Variants in KLF12 observed in about 807,000 individuals in gnomAD.
KLF12 encodes the protein KLF transcription factor 12, also known as Krueppel-like factor 12.
Under a neutral mutation model 37.8 loss-of-function variants are expected in KLF12, and 9 were observed. The ratio of observed to expected loss-of-function variants is 0.24; its 90% CI spans 0.14 to 0.42. The LOEUF is 0.42. Ranked by LOEUF, KLF12 falls within the 10% of genes least tolerant of loss-of-function variation. KLF12 has a pLI of 1.00. For synonymous variants in KLF12, 208 were observed against 202.1 expected (o/e 1.03, Z -0.25); for missense variants, 411 against 516.0 (o/e 0.80, Z 1.97).
At chr13:74,209,268 A>T in the KLF12 span, among the ~76,000 whole-genome samples, 10 of 152,026 alleles carry the variant, frequency 6.6e-5, no homozygotes, top group Non-Finnish European at 1.3e-4. Context: ...TTCCTGCAAC[A>T]TCTAAGTGTC....
chr13:74,223,830 C>A, the KLF12 span, among the ~76,000 whole-genome samples: 58 of 152,244 alleles, frequency 3.8e-4, no homozygotes, highest in African/African-American at 1.2e-3. Flanking sequence ...GCTTCCATAG[C>A]CCCATGGGTT....
intron 1 of KLF12, among the ~76,000 whole-genome samples, chr13:74,024,671 C>A (rs555719113): frequency 4.6e-5 from 7 of 152,162 alleles, no homozygotes; most frequent in Non-Finnish European, 8.8e-5. Flanking sequence ...ACAATATTAA[C>A]GAGTCTGTAT....
At chr13:74,260,468 C>T in the KLF12 span, among the ~76,000 whole-genome samples, 35 of 151,436 alleles carry the variant, frequency 2.3e-4, no homozygotes, top group Non-Finnish European at 4.3e-4. Context: ...GTGGGAGGAT[C>T]GCCTGAGTCC....
At chr13:74,125,209 ACT>A (rs368139831) in intron 1 of KLF12, among the ~76,000 whole-genome samples, 133 of 152,118 alleles carry the variant, frequency 8.7e-4, no homozygotes, top group Non-Finnish European at 7.5e-4. Context: ...TAAAAAACAC[ACT>A]GTTTATATAA....
At chr13:74,159,966 C>A in the KLF12 span, among the ~76,000 whole-genome samples, 1 of 138,452 alleles carries the variant, frequency 7.2e-6, no homozygotes, top group Non-Finnish European at 1.5e-5. Flanking sequence ...CACATCACTA[C>A]ACTCCAGCCT....
chr13:74,153,158 G>A, the KLF12 span, among the ~76,000 whole-genome samples: 1 of 151,718 alleles, frequency 6.6e-6, no homozygotes, highest in Non-Finnish European at 1.5e-5. Flanking sequence ...TAATTCAAAT[G>A]ATATAAATGT....
chr13:73,746,315 A>G (rs1360759273), intron 6 of KLF12, among the ~76,000 whole-genome samples: 1 of 152,204 alleles, frequency 6.6e-6, no homozygotes. Context: ...ATATGATGTA[A>G]TATCTAAATA....
At chr13:74,261,632 A>T in the KLF12 span, among the ~76,000 whole-genome samples, 1 of 152,210 alleles carries the variant, frequency 6.6e-6, no homozygotes, top group African/African-American at 2.4e-5. Flanking sequence ...GATATATATG[A>T]TTTAGATTTT....
At chr13:74,004,485 T>C (rs918178262) in intron 1 of KLF12, among the ~76,000 whole-genome samples, 1 of 152,194 alleles carries the variant, frequency 6.6e-6, no homozygotes, top group African/African-American at 2.4e-5. Context: ...CCAGTCTTCA[T>C]GATTTTAAGT....
At chr13:73,790,748 T>A (rs1301454969) in intron 5 of KLF12, among the ~76,000 whole-genome samples, 1 of 152,176 alleles carries the variant, frequency 6.6e-6, no homozygotes, top group Non-Finnish European at 1.5e-5. Context: ...CTCCTTACAG[T>A]CTAATGGGCA....
chr13:73,752,006 T>G (rs1165650949), intron 6 of KLF12, among the ~76,000 whole-genome samples: 1 of 152,090 alleles, frequency 6.6e-6, no homozygotes, highest in East Asian at 1.9e-4. Flanking sequence ...TATTTTTTAT[T>G]TTTTACTTTT....
At chr13:74,231,607 T>G in the KLF12 span, 2 of 152,190 alleles carry the variant, frequency 1.3e-5, no homozygotes, top group Non-Finnish European at 1.5e-5. Flanking sequence ...TCCCAACATA[T>G]ACAACATAAT....
intron 1 of KLF12, among the ~76,000 whole-genome samples, chr13:74,056,809 G>T (rs1873269890): frequency 6.6e-6 from 1 of 152,216 alleles, no homozygotes. Context: ...AGCCATGTCT[G>T]CCTTTTTTGG....
At chr13:73,835,065 C>CT (rs1343415686) in intron 4 of KLF12, among the ~76,000 whole-genome samples, 1 of 136,818 alleles carries the variant, frequency 7.3e-6, no homozygotes, top group Non-Finnish European at 1.6e-5. Context: ...AGAAGTTAAA[C>CT]CTTTTTTTTT....
At chr13:74,242,336 T>A in the KLF12 span, among the ~76,000 whole-genome samples, 2 of 152,220 alleles carry the variant, frequency 1.3e-5, no homozygotes, top group Admixed American at 6.5e-5. Flanking sequence ...TTCCATGGGC[T>A]GGGGAGGCCT....
chr13:74,203,549 G>T, the KLF12 span, among the ~76,000 whole-genome samples: 1 of 152,102 alleles, frequency 6.6e-6, no homozygotes. Context: ...AAAAGGTAAT[G>T]CTTATGAATT....
chr13:73,723,092 T>C (rs1039288753), intron 6 of KLF12, among the ~76,000 whole-genome samples: 1 of 152,172 alleles, frequency 6.6e-6, no homozygotes, highest in Non-Finnish European at 1.5e-5. Context: ...GCAAAATGTT[T>C]AAAGAGAATC....
the KLF12 span, among the ~76,000 whole-genome samples, chr13:74,215,094 T>TA: frequency 2.0e-5 from 3 of 152,026 alleles, no homozygotes; most frequent in Non-Finnish European, 2.9e-5. Flanking sequence ...CTCCTGGCCT[T>TA]ACACTAATTT....
intron 2 of KLF12, among the ~76,000 whole-genome samples, chr13:73,971,938 A>C: frequency 6.6e-6 from 1 of 152,286 alleles, no homozygotes; most frequent in South Asian, 2.1e-4. Flanking sequence ...TTTAAATAGT[A>C]TTGTTTTCTA....
Sources: allele counts gnomAD v4.1 joint callset (sites outside exome capture counted in the v4.1 genomes callset), GRCh38; gene constraint gnomAD v4.1.1; transcripts MANE v1.5; gene names NCBI Gene and HGNC (gene_info 2026-07-23, HGNC 2026-07-21).